Variants in EYS observed in about 807,000 individuals in gnomAD.
EYS encodes the protein protein eyes shut homolog.
A neutral mutation model predicts 282.1 loss-of-function variants in EYS; 250 were observed. That is an observed-to-expected ratio of 0.89 (90% CI 0.80 to 0.98). EYS has a LOEUF of 0.98. EYS is among the 50% of genes least tolerant of loss of function. The pLI, the probability that EYS is intolerant of heterozygous loss-of-function variation, is 0.00. For synonymous variants in EYS, 1,355 were observed against 1,282.9 expected, an observed-to-expected ratio of 1.06 and a Z score of -1.20; for missense variants, 4,016 against 3,709.0, an observed-to-expected ratio of 1.08 and a Z score of -2.15.
intron 28 of EYS, among the ~76,000 whole-genome samples, chr6:64,401,432 G>A (rs760649224): frequency 6.6e-6 from 1 of 152,084 alleles, no homozygotes; most frequent in South Asian, 2.1e-4. Flanking sequence ...GCAAATGTAT[G>A]CTTTTAAGAA....
chr6:64,278,581 T>G (rs771364635), intron 30 of EYS, among the ~76,000 whole-genome samples: 1 of 152,146 alleles, frequency 6.6e-6, no homozygotes, highest in Non-Finnish European at 1.5e-5. Context: ...ACTAAAATAT[T>G]TCACTGCCTA....
At chr6:65,677,094 C>T (rs1490924003) in intron 1 of EYS, among the ~76,000 whole-genome samples, 1 of 114,166 alleles carries the variant, frequency 8.8e-6, no homozygotes, top group Non-Finnish European at 1.7e-5. Context: ...AGCTTTATCA[C>T]AGTCATTGGT....
At chr6:65,000,878 C>T (rs1475502925) in intron 13 of EYS, among the ~76,000 whole-genome samples, 2 of 152,218 alleles carry the variant, frequency 1.3e-5, no homozygotes, top group African/African-American at 4.8e-5. Flanking sequence ...GCAGTGATTT[C>T]TCATATATTG....
chr6:64,705,115 A>G (rs1562145382), intron 22 of EYS, among the ~76,000 whole-genome samples: 2 of 152,216 alleles, frequency 1.3e-5, no homozygotes, highest in Non-Finnish European at 2.9e-5. Context: ...AAACTGATAA[A>G]TAAATTCAAC....
intron 22 of EYS, among the ~76,000 whole-genome samples, chr6:64,634,514 T>C (rs1767901428): frequency 6.7e-6 from 1 of 149,992 alleles, no homozygotes. Flanking sequence ...AGTGGCTATC[T>C]TGTGCGTATA....
intron 26 of EYS, among the ~76,000 whole-genome samples, chr6:64,505,075 CTA>C: frequency 6.6e-6 from 1 of 152,312 alleles, no homozygotes; most frequent in Admixed American, 6.5e-5. Context: ...TGCTTAATTA[CTA>C]TCTGTTGAGT....
rs142425669 is a variant in EYS, at chr6:63,928,825, T to C, written c.7055+55558A>G. On this transcript the variant is annotated intron_variant, in intron 35 of 42. Transcript: ENST00000503581. ...CTGAAAGTCTTACAGAGATACACAA[T>C]TACCAAAACCCACCTAGGGGGCCTG... Among the ~76,000 whole-genome samples the C allele has an allele frequency of 1.6e-3, 238 of 152,270 alleles. 3 individuals are homozygous for C. The highest frequency in any genetic ancestry group is 5.5e-3 in the African/African-American group (228 of 41,554).
At chr6:63,758,190 A>G (rs1206001595) in intron 41 of EYS, among the ~76,000 whole-genome samples, 4 of 152,172 alleles carry the variant, frequency 2.6e-5, no homozygotes, top group Non-Finnish European at 4.4e-5. Context: ...GGCATGAGCT[A>G]CTGCACCTGG....
At position 65,129,635 on chromosome 6, in the gene EYS, T is replaced by G. The variant is rs140108079; in HGVS notation, c.2024-71908A>C. Among the ~76,000 whole-genome samples, 925 of 152,094 alleles carry G rather than the reference T, an allele frequency of 6.1e-3. 10 individuals carry two copies. The highest frequency in any genetic ancestry group is 0.021 in the African/African-American group (876 of 41,520). ...AGATACCATCTCACACCAGTCGGAA[T>G]AGCTATAATCAGAAAGTGATAAAAT... On this transcript the variant is annotated intron_variant, in intron 12 of 42. Transcript: ENST00000503581.
At position 65,467,504 on chromosome 6, in the gene EYS, AAC is replaced by A. The variant is rs5876966; in HGVS notation, c.862+23088_862+23089del. On this transcript the variant is annotated intron_variant, in intron 5 of 42. Transcript: ENST00000503581. Reference sequence around the variant, plus strand: ...CAAAACTGATACACATGACTATTTAAACACACACACACACACATACACACACA... The same window carrying A: ...CAAAACTGATACACATGACTATTTAAACACACACACACACATACACACACA... 1.1e-3 allele frequency among the ~76,000 whole-genome samples: 172 copies of A among 150,602 alleles called. 1 individual carries two copies. The highest frequency in any genetic ancestry group is 3.4e-3 in the Middle Eastern group (1 of 292).
intron 26 of EYS, among the ~76,000 whole-genome samples, chr6:64,445,176 T>C (rs544707009): frequency 1.3e-5 from 2 of 152,340 alleles, no homozygotes; most frequent in South Asian, 2.1e-4. Context: ...TTTTCAATCA[T>C]ATTTGTGGTG....
chr6:64,886,250 A>C (rs555653617), intron 19 of EYS, among the ~76,000 whole-genome samples: 1 of 152,042 alleles, frequency 6.6e-6, no homozygotes, highest in East Asian at 1.9e-4. Flanking sequence ...GCTGTGAAAT[A>C]ATTGATACTG....
At chr6:64,635,171 G>T (rs6917771) in intron 22 of EYS, among the ~76,000 whole-genome samples, 144,833 of 152,188 alleles carry the variant, frequency 0.95, 69,313 homozygotes, top group East Asian at 1. Flanking sequence ...GCACATGGAT[G>T]TTGTATCCTG....
At chr6:65,414,354 C>G (rs944162706) in intron 5 of EYS, among the ~76,000 whole-genome samples, 1 of 152,014 alleles carries the variant, frequency 6.6e-6, no homozygotes, top group Non-Finnish European at 1.5e-5. Context: ...TTCACATTTT[C>G]AAAATATTTC....
chr6:63,839,234 C>T (rs2149696315), intron 36 of EYS, among the ~76,000 whole-genome samples: 1 of 152,244 alleles, frequency 6.6e-6, no homozygotes, highest in Middle Eastern at 3.4e-3. Context: ...CCTTTTCAGC[C>T]TTTAGTAATC....
chr6:65,209,878 T>C (rs142712350), intron 12 of EYS, among the ~76,000 whole-genome samples: 2 of 151,834 alleles, frequency 1.3e-5, no homozygotes, highest in Non-Finnish European at 3.0e-5. Context: ...ACAACACATA[T>C]AAAAGCCCCA....
chr6:65,468,391 ATT>A (rs758768020), intron 5 of EYS, among the ~76,000 whole-genome samples: 28 of 152,244 alleles, frequency 1.8e-4, no homozygotes, highest in Non-Finnish European at 2.9e-4. Flanking sequence ...GCTACTTTAC[ATT>A]TAGTTAAATA....
intron 12 of EYS, among the ~76,000 whole-genome samples, chr6:65,268,828 T>TA (rs1428952806): frequency 6.6e-6 from 1 of 151,920 alleles, no homozygotes; most frequent in African/African-American, 2.4e-5. Flanking sequence ...AAAAAGATGC[T>TA]AAGATCTCTT....
intron 8 of EYS, among the ~76,000 whole-genome samples, chr6:65,380,205 C>G (rs568350579): frequency 1.3e-5 from 2 of 152,182 alleles, no homozygotes; most frequent in East Asian, 3.9e-4. Context: ...ATCATGCTAC[C>G]TAACTTCAAA....
Sources: gnomAD v4.1 joint callset for allele counts (sites outside exome capture counted in the v4.1 genomes callset) on GRCh38, gnomAD v4.1.1 for gene constraint, MANE v1.5 for transcripts, NCBI Gene and HGNC (gene_info 2026-07-23, HGNC 2026-07-21) for gene names.